Variants in CLNK observed in about 807,000 individuals in gnomAD.
CLNK encodes the protein cytokine-dependent hematopoietic cell linker.
CLNK carries 74 observed loss-of-function variants against 68.6 expected under a neutral mutation model. The ratio of observed to expected loss-of-function variants is 1.08; its 90% CI spans 0.89 to 1.31. The LOEUF (loss-of-function observed/expected upper bound fraction) is 1.31, where lower values mean the gene tolerates loss of function less well. Among genes scored for constraint, CLNK ranks in the 50% most tolerant of loss-of-function variants. The pLI is 0.00. For missense variants in CLNK, 553 were observed against 515.3 expected (o/e 1.07, Z -0.71); for synonymous variants, 198 against 172.2 (o/e 1.15, Z -1.17).
chr4:10,528,071 T>C lies in CLNK; in HGVS notation c.649+5A>G, dbSNP rs979708517. On this transcript the variant is annotated splice_donor_5th_base_variant and intron_variant, in intron 13 of 18. Transcript: ENST00000226951. ...AGGGTAAGAAAACAAATGTAAACAATTCACCTTTTTCTGCTTCAAGGACCT... is the reference window on the plus strand; with the variant it reads ...AGGGTAAGAAAACAAATGTAAACAACTCACCTTTTTCTGCTTCAAGGACCT... 1 of 1,352,750 alleles carries C rather than the reference T, an allele frequency of 7.4e-7. No individual in the cohort carries two copies. The allele number at this position is 1,352,750 out of a possible 1,614,324, so 83.8% of individuals were successfully genotyped here. A position where few individuals can be genotyped will look rare whatever the true frequency, so the allele number is the denominator to read the frequency against.
chr4:10,682,591 A>G (rs561660106), intron 1 of CLNK, among the ~76,000 whole-genome samples: 7 of 152,300 alleles, frequency 4.6e-5, no homozygotes, highest in African/African-American at 1.7e-4. Flanking sequence ...CACAACTCCA[A>G]CAACAGCTAA....
the CLNK span, among the ~76,000 whole-genome samples, chr4:10,690,983 T>C: frequency 1.3e-5 from 2 of 151,388 alleles, no homozygotes; most frequent in African/African-American, 4.9e-5. Context: ...AAATGAAGAG[T>C]GTGGGGTGGG....
At chr4:10,648,789 G>T (rs1403728977) in intron 2 of CLNK, among the ~76,000 whole-genome samples, 1 of 152,142 alleles carries the variant, frequency 6.6e-6, no homozygotes, top group Non-Finnish European at 1.5e-5. Flanking sequence ...GAACACAGAA[G>T]CTCAGTACTA....
At chr4:10,595,543 C>A (rs1409257621) in intron 3 of CLNK, among the ~76,000 whole-genome samples, 1 of 152,120 alleles carries the variant, frequency 6.6e-6, no homozygotes. Context: ...AAGTGGGGCC[C>A]AGCACTCAGC....
At position 10,659,170 on chromosome 4, in the gene CLNK, C is replaced by T. The variant is rs182816587; in HGVS notation, c.11+8689G>A. Reference sequence around the variant, plus strand: ...GAGCTGAGATCGTGCTACTGCACTACAGCCTGGGAAACAAGAGCGAAACTC... The same window carrying T: ...GAGCTGAGATCGTGCTACTGCACTATAGCCTGGGAAACAAGAGCGAAACTC... On this transcript the variant is annotated intron_variant, in intron 2 of 18. Coordinates refer to ENST00000226951, the MANE Select transcript of CLNK (RefSeq NM_052964.4). Among the ~76,000 whole-genome samples the T allele has an allele frequency of 8.5e-5, 13 of 152,330 alleles. No individual in the cohort carries two copies. In the East Asian group the frequency reaches 2.5e-3, roughly 29 times the overall value.
intron 1 of CLNK, 47 bp from the exon 2 acceptor site, chr4:10,667,958 T>C: frequency 8.9e-7 from 1 of 1,119,756 alleles, no homozygotes; most frequent in South Asian, 1.6e-5. Flanking sequence ...CACATCATGT[T>C]TTAATTCTGG....
intron 17 of CLNK, among the ~76,000 whole-genome samples, chr4:10,505,605 C>T (rs1299298104): frequency 1.3e-5 from 2 of 152,134 alleles, no homozygotes; most frequent in African/African-American, 4.8e-5. Flanking sequence ...ATGACTTTTC[C>T]AGTTTCTGGA....
chr4:10,548,313 T>G (rs555805297), intron 8 of CLNK, among the ~76,000 whole-genome samples: 2 of 152,306 alleles, frequency 1.3e-5, no homozygotes, highest in South Asian at 4.1e-4. Flanking sequence ...CCTGGAGAAA[T>G]GTCCACCCAG....
At chr4:10,726,454 G>C in the CLNK span, among the ~76,000 whole-genome samples, 1 of 152,066 alleles carries the variant, frequency 6.6e-6, no homozygotes, top group African/African-American at 2.4e-5. Flanking sequence ...TCCTCTTTTT[G>C]TAAGGACACC....
chr4:10,725,488 G>A, the CLNK span, among the ~76,000 whole-genome samples: 2 of 151,934 alleles, frequency 1.3e-5, no homozygotes. Flanking sequence ...CAGGTTCCTC[G>A]GCCATCAGAA....
At chr4:10,560,228 C>A (rs979732809) in intron 7 of CLNK, among the ~76,000 whole-genome samples, 8 of 152,178 alleles carry the variant, frequency 5.3e-5, no homozygotes, top group Non-Finnish European at 1.2e-4. Context: ...TCACTGCCTC[C>A]TCCCTTAGAC....
At chr4:10,508,490 A>C (rs753299807) in intron 16 of CLNK, among the ~76,000 whole-genome samples, 4 of 152,192 alleles carry the variant, frequency 2.6e-5, no homozygotes, top group Non-Finnish European at 5.9e-5. Context: ...CCGCTGAGCT[A>C]TGATTCGGAT....
intron 1 of CLNK, among the ~76,000 whole-genome samples, chr4:10,682,121 T>TTGTGTGTGTGTGTATGTGTGTGTG (rs138607439): frequency 6.6e-6 from 1 of 150,974 alleles, no homozygotes; most frequent in Admixed American, 6.6e-5. Context: ...ACAATTCTGT[T>TTGTGTGTGTGTGTATGTGTGTGTG]TGTGTGTGTG....
At chr4:10,580,548 G>A (rs992870362) in intron 4 of CLNK, among the ~76,000 whole-genome samples, 1 of 152,034 alleles carries the variant, frequency 6.6e-6, no homozygotes, top group Non-Finnish European at 1.5e-5. Flanking sequence ...GGAGGCGGAA[G>A]GCAGTGATAT....
Position 10,540,495 on chromosome 4 carries a change from T to C in CLNK, c.601A>G (p.Ser201Gly), listed in dbSNP as rs1320735458. ...HTFPEVQRMP[S>G]QISLRDLSEV... Reference sequence around the variant, plus strand: ...CACCATTGATGATGAATCTCTCACCTGGGCATTCTCTGGACTTCTGGAAAG... The same window carrying C: ...CACCATTGATGATGAATCTCTCACCCGGGCATTCTCTGGACTTCTGGAAAG... Residue 201 changes from serine (S) to glycine (G), a missense_variant and splice_region_variant, in exon 11 of 19, where the codon AGT (serine) becomes GGT (glycine). By Grantham distance (56) the Ser-to-Gly change is moderately conservative. Coordinates refer to ENST00000226951, the MANE Select transcript of CLNK (RefSeq NM_052964.4). 2 of 1,605,966 alleles carry C rather than the reference T, an allele frequency of 1.2e-6. No homozygotes were observed. Among genetic ancestry groups the C allele is most frequent in the Non-Finnish European group, 1.7e-6 (2 of 1,172,664 alleles).
At chr4:10,512,486 C>G (rs951884957) in intron 16 of CLNK, among the ~76,000 whole-genome samples, 2 of 152,054 alleles carry the variant, frequency 1.3e-5, no homozygotes, top group Admixed American at 1.3e-4. Flanking sequence ...CCACCTTGGC[C>G]TCCCAAAGTG....
rs1227819918 is a variant in CLNK at position 10,488,816 on chromosome 4, T to C, written c.*1651A>G. 1 of 152,340 alleles carries C rather than the reference T, an allele frequency of 6.6e-6. No individual in the cohort carries two copies. The highest frequency in any genetic ancestry group is 1.9e-4 in the East Asian group (1 of 5,184). 9.4% of individuals were successfully genotyped at this position (152,340 alleles called of 1,614,324 possible). A position where few individuals can be genotyped will look rare whatever the true frequency, so the allele number is the denominator to read the frequency against. On this transcript the variant is annotated 3_prime_UTR_variant, in exon 19 of 19. Coordinates refer to ENST00000226951, the MANE Select transcript of CLNK (RefSeq NM_052964.4). ...ACAAAAGAGATAATCCTGCACATTG[T>C]TTTTATTGTTTTCATTTGCTTCTAT... is the stretch of plus-strand genomic sequence containing the variant.
At chr4:10,717,271 T>G in the CLNK span, among the ~76,000 whole-genome samples, 30 of 152,268 alleles carry the variant, frequency 2.0e-4, no homozygotes, top group Non-Finnish European at 3.5e-4. Context: ...TTTCTCTCCC[T>G]CCTCATTGGG....
chr4:10,660,439 C>T (rs114430345), intron 2 of CLNK, among the ~76,000 whole-genome samples: 61 of 152,210 alleles, frequency 4.0e-4, no homozygotes, highest in Non-Finnish European at 6.9e-4. Context: ...TACCATTTAC[C>T]GTTTTTCAAT....
Sources: gnomAD v4.1 joint callset for allele counts (sites outside exome capture counted in the v4.1 genomes callset) on GRCh38, gnomAD v4.1.1 for gene constraint, MANE v1.5 for transcripts, NCBI Gene and HGNC (gene_info 2026-07-23, HGNC 2026-07-21) for gene names.